Variants in TRPM3 observed in about 807,000 individuals in gnomAD.
The protein encoded by TRPM3 is transient receptor potential cation channel subfamily M member 3.
TRPM3 carries 77 observed loss-of-function variants against 181.2 expected under a neutral mutation model. That is an observed-to-expected ratio of 0.42 (90% CI 0.35 to 0.51). The LOEUF is 0.51. Among genes scored for constraint, TRPM3 ranks in the 20% least tolerant of loss-of-function variants. The probability of loss-of-function intolerance (pLI) is 0.01; values close to 1 mark genes in which losing one functional copy is unlikely to be tolerated. For synonymous variants in TRPM3, 745 were observed against 796.4 expected (o/e 0.94, Z 1.09); for missense variants, 1,759 against 2,196.7 (o/e 0.80, Z 3.98).
chr9:71,167,039 T>C (rs2134755167), intron 1 of TRPM3, among the ~76,000 whole-genome samples: 1 of 152,326 alleles, frequency 6.6e-6, no homozygotes, highest in Non-Finnish European at 1.5e-5. Context: ...CTCTGTTGAA[T>C]GTTCCATTTT....
intron 1 of TRPM3, among the ~76,000 whole-genome samples, chr9:71,421,370 AT>A (rs1407569037): frequency 6.6e-6 from 1 of 151,862 alleles, no homozygotes; most frequent in Non-Finnish European, 1.5e-5. Context: ...AAAAGTTGAA[AT>A]TTAAAAAAAA....
chr9:70,559,057 T>C lies in TRPM3; in HGVS notation c.3224-5747A>G, dbSNP rs954805437. Among the ~76,000 whole-genome samples, 3 of 152,326 alleles carry C rather than the reference T, an allele frequency of 2.0e-5. No individual in the cohort carries two copies. In the East Asian group the frequency reaches 5.8e-4, roughly 29 times the overall value. ...TGTGGGGGGTTTTGGAGCACAGCCT[T>C]CCAATGGTTGAAATGTTTTTCATAC... On this transcript the variant is annotated intron_variant, in intron 22 of 25. Transcript: ENST00000677713.
At chr9:71,188,084 G>C (rs1212622407) in intron 1 of TRPM3, among the ~76,000 whole-genome samples, 1 of 151,730 alleles carries the variant, frequency 6.6e-6, no homozygotes. Flanking sequence ...AAACATCCTT[G>C]CACACCTTCC....
At chr9:70,648,298 G>T (rs969864977) in intron 9 of TRPM3, among the ~76,000 whole-genome samples, 1 of 151,992 alleles carries the variant, frequency 6.6e-6, no homozygotes, top group Non-Finnish European at 1.5e-5. Context: ...AACATAGGGA[G>T]ACCTCATCTC....
chr9:71,326,680 G>A (rs1229435380), intron 1 of TRPM3, among the ~76,000 whole-genome samples: 2 of 152,152 alleles, frequency 1.3e-5, no homozygotes, highest in Non-Finnish European at 2.9e-5. Context: ...TGATTTGCTT[G>A]CAAAGAAGCT....
chr9:70,659,236 A>C (rs747439640), intron 9 of TRPM3, among the ~76,000 whole-genome samples: 3 of 152,140 alleles, frequency 2.0e-5, no homozygotes, highest in Non-Finnish European at 4.4e-5. Context: ...TTATGGAGCC[A>C]ATAAAAGCCC....
In TRPM3 at chr9:70,742,644, AG is replaced by A. The variant is rs1260168839; in HGVS notation, c.1272+18956del. Among the ~76,000 whole-genome samples, 5 of 152,298 alleles carry A rather than the reference AG, an allele frequency of 3.3e-5. No homozygotes were observed. The East Asian group carries it at 5.8e-4, about 18-fold the overall frequency. On this transcript the variant is annotated intron_variant, in intron 8 of 25. Coordinates refer to ENST00000677713, the MANE Select transcript of TRPM3 (RefSeq NM_001366145.2). ...ATTAGTATTAATTTAAGGAAGGTTAAGGCTTATGTTCTATTTTTGCTGTCTG... is the reference window on the plus strand; with the variant it reads ...ATTAGTATTAATTTAAGGAAGGTTAAGCTTATGTTCTATTTTTGCTGTCTG...
intron 22 of TRPM3, among the ~76,000 whole-genome samples, chr9:70,584,165 G>A (rs554558346): frequency 6.6e-5 from 10 of 152,034 alleles, no homozygotes; most frequent in South Asian, 4.2e-4. Context: ...TCAGCCTCCC[G>A]AAATGCATGA....
At chr9:71,177,174 C>A (rs1261912595) in intron 1 of TRPM3, among the ~76,000 whole-genome samples, 2 of 152,054 alleles carry the variant, frequency 1.3e-5, no homozygotes, top group Non-Finnish European at 2.9e-5. Flanking sequence ...GCCTTGTGAT[C>A]GGTTTTTGTC....
In TRPM3 at chr9:70,923,921, TATACACAC is replaced by T. The variant is rs1193143543; in HGVS notation, c.178-59418_178-59411del. Among the ~76,000 whole-genome samples, 155 of 104,938 alleles carry T rather than the reference TATACACAC, an allele frequency of 1.5e-3. 1 individual carries two copies. The highest frequency in any genetic ancestry group is 2.5e-3 in the Non-Finnish European group (111 of 43,638). The allele number at this position is 104,938 out of a possible 152,430, so 68.8% of individuals were successfully genotyped here. On this transcript the variant is annotated intron_variant, in intron 1 of 25. Coordinates refer to ENST00000677713, the MANE Select transcript of TRPM3 (RefSeq NM_001366145.2). Reference sequence around the variant, plus strand: ...ACATACACACACACATATATACATATATACACACATATATACATATATATATACACACA... The same window carrying T: ...ACATACACACACACATATATACATATATATATACATATATATATACACACA...
intron 1 of TRPM3, among the ~76,000 whole-genome samples, chr9:71,304,023 T>C (rs1010554487): frequency 3.0e-4 from 45 of 152,172 alleles, no homozygotes; most frequent in African/African-American, 1.1e-3. Flanking sequence ...TAGTTTTTGT[T>C]AAGTGAAATT....
At chr9:71,078,103 A>C (rs929803161) in intron 1 of TRPM3, among the ~76,000 whole-genome samples, 5 of 152,014 alleles carry the variant, frequency 3.3e-5, no homozygotes, top group African/African-American at 1.2e-4. Context: ...ACTTGGGAGG[A>C]ATTTTTGTAT....
At chr9:71,304,156 A>G (rs558532874) in intron 1 of TRPM3, among the ~76,000 whole-genome samples, 64 of 152,254 alleles carry the variant, frequency 4.2e-4, no homozygotes, top group Non-Finnish European at 7.5e-4. Context: ...AACTTGGTGT[A>G]CATAAATTGT....
At chr9:71,096,590 A>ACACACACACTCTCTCTCTCT (rs1452142664) in intron 1 of TRPM3, among the ~76,000 whole-genome samples, 15 of 90,038 alleles carry the variant, frequency 1.7e-4, no homozygotes, top group African/African-American at 7.7e-4. Flanking sequence ...ACACACACAC[A>ACACACACACTCTCTCTCTCT]CTCTCTCTCT....
At chr9:70,701,255 G>T (rs1305659999) in intron 8 of TRPM3, among the ~76,000 whole-genome samples, 1 of 152,178 alleles carries the variant, frequency 6.6e-6, no homozygotes, top group African/African-American at 2.4e-5. Context: ...GTGACTTAGC[G>T]ATGTTCTCAT....
chr9:70,808,858 G>C (rs908477733), intron 6 of TRPM3, among the ~76,000 whole-genome samples: 1 of 152,208 alleles, frequency 6.6e-6, no homozygotes, highest in Admixed American at 6.5e-5. Context: ...GGGCTGAACA[G>C]ATTGTAGCAC....
chr9:70,620,429 C>T (rs1300864218), intron 15 of TRPM3, 64 bp from the exon 16 acceptor site: 1 of 1,519,040 alleles, frequency 6.6e-7, no homozygotes, highest in East Asian at 2.3e-5. Flanking sequence ...CAGCAAGTAG[C>T]AGTTGTATAT....
chr9:71,225,041 G>T (rs900581994), intron 1 of TRPM3, among the ~76,000 whole-genome samples: 1 of 152,102 alleles, frequency 6.6e-6, no homozygotes, highest in Non-Finnish European at 1.5e-5. Flanking sequence ...GAATGTTTAT[G>T]TAAAGGGATA....
rs1444558177 is a variant in TRPM3 at position 70,531,109 on chromosome 9, T to G, written c.*4844A>C. ...ATCACAAATGGACTTTTCGCTCTCATCTCCGGCTTAGCAATTTGCACCCAG... is the reference window on the plus strand; with the variant it reads ...ATCACAAATGGACTTTTCGCTCTCAGCTCCGGCTTAGCAATTTGCACCCAG... On this transcript the variant is annotated 3_prime_UTR_variant, in exon 26 of 26. Transcript: ENST00000677713. 6.6e-6 allele frequency: 1 copy of G among 152,172 alleles called. No homozygotes were observed. Among genetic ancestry groups the G allele is most frequent in the African/African-American group, 2.4e-5 (1 of 41,414 alleles). 9.4% of individuals were successfully genotyped at this position (152,172 alleles called of 1,614,324 possible).
Sources: allele counts gnomAD v4.1 joint callset (sites outside exome capture counted in the v4.1 genomes callset), GRCh38; gene constraint gnomAD v4.1.1; transcripts MANE v1.5; gene names NCBI Gene and HGNC (gene_info 2026-07-23, HGNC 2026-07-21).